Variants in LIAT1 observed in about 807,000 individuals in gnomAD.
LIAT1 encodes protein LIAT1.
chr17:413,286 C>A, the LIAT1 span: 11 of 1,614,118 alleles, frequency 6.8e-6, no homozygotes, highest in Non-Finnish European at 9.3e-6. Context: ...CCTTCTGACT[C>A]CTCCACCGTC....
the LIAT1 span, chr17:413,050 C>T: frequency 1.4e-6 from 2 of 1,451,166 alleles, no homozygotes; most frequent in African/African-American, 1.4e-5. Context: ...CGGAGGGGCC[C>T]CCATCCTCCT....
At chr17:413,655 C>A in the LIAT1 span, 10 of 1,575,900 alleles carry the variant, frequency 6.3e-6, no homozygotes, top group Non-Finnish European at 8.6e-6. Flanking sequence ...GACCCTGAGG[C>A]CCTCAAGGGT....
At chr17:410,428 T>C in the LIAT1 span, 6 of 1,534,784 alleles carry the variant, frequency 3.9e-6, no homozygotes, top group Non-Finnish European at 4.4e-6. Flanking sequence ...CCGGGGCGGG[T>C]TGGGTTGCAG....
At chr17:413,991 A>T in the LIAT1 span, 1 of 1,614,218 alleles carries the variant, frequency 6.2e-7, no homozygotes. Context: ...TACCTCTCGG[A>T]CAAAGATGGC....
chr17:413,134 C>T, the LIAT1 span: 2 of 1,612,408 alleles, frequency 1.2e-6, no homozygotes, highest in Non-Finnish European at 1.7e-6. Context: ...CTAACCTGCT[C>T]ATCTACTCAG....
At chr17:410,445 G>A in the LIAT1 span, 10 of 1,538,946 alleles carry the variant, frequency 6.5e-6, no homozygotes, top group Admixed American at 5.9e-5. Context: ...GCAGCCCAGC[G>A]GGCGGCTGGA....
At chr17:410,332 G>A in the LIAT1 span, 3 of 1,459,952 alleles carry the variant, frequency 2.1e-6, no homozygotes, top group Non-Finnish European at 2.7e-6. Context: ...GGCGCAGCAG[G>A]GGTGGTCGCC....
the LIAT1 span, chr17:410,673 G>T: frequency 6.5e-7 from 1 of 1,532,844 alleles, no homozygotes; most frequent in South Asian, 1.2e-5. Context: ...GCCCGGCTGC[G>T]TCAGCTCCGG....
the LIAT1 span, chr17:410,570 C>T: frequency 1.3e-6 from 2 of 1,546,514 alleles, no homozygotes; most frequent in South Asian, 2.4e-5. Context: ...TCACAGGCGG[C>T]GCCTCCGAGC....
At chr17:412,772 A>G in the LIAT1 span, among the ~76,000 whole-genome samples, 1 of 152,188 alleles carries the variant, frequency 6.6e-6, no homozygotes, top group South Asian at 2.1e-4. Flanking sequence ...TGAGGGCAGC[A>G]CGGCCCAGTG....
the LIAT1 span, chr17:413,434 C>T: frequency 3.1e-6 from 5 of 1,614,172 alleles, no homozygotes; most frequent in Admixed American, 1.7e-5. Flanking sequence ...GAAAACGGTA[C>T]CGGTGCTTGG....
At chr17:412,282 G>T in the LIAT1 span, among the ~76,000 whole-genome samples, 1 of 151,156 alleles carries the variant, frequency 6.6e-6, no homozygotes, top group Non-Finnish European at 1.5e-5. Flanking sequence ...AGCCTGGGTG[G>T]CAGAGTGAGA....
the LIAT1 span, chr17:410,765 C>A: frequency 1.1e-6 from 1 of 883,932 alleles, no homozygotes; most frequent in South Asian, 1.7e-5. Flanking sequence ...GGACCGAGGT[C>A]CTCCTGCTCC....
chr17:414,201 G>A, the LIAT1 span: 3 of 1,458,674 alleles, frequency 2.1e-6, no homozygotes, highest in Non-Finnish European at 9.3e-7. The surrounding 1 kb of genome is among the most constrained non-coding windows in gnomAD (Gnocchi z 4.1). Flanking sequence ...AAGGAAATGA[G>A]ACCCGTATCT....
the LIAT1 span, chr17:410,722 C>A: frequency 7.3e-7 from 1 of 1,379,204 alleles, no homozygotes; most frequent in Non-Finnish European, 9.8e-7. Flanking sequence ...CCCCATTTAC[C>A]CTTCAGACCG....
chr17:413,236 A>T, the LIAT1 span: 1 of 1,614,188 alleles, frequency 6.2e-7, no homozygotes, highest in Non-Finnish European at 8.5e-7. Flanking sequence ...GTGGCCCGAA[A>T]CCAGAGCACA....
At chr17:413,100 C>A in the LIAT1 span, 1 of 1,590,458 alleles carries the variant, frequency 6.3e-7, no homozygotes, top group South Asian at 1.1e-5. Context: ...CCCAGCAGGC[C>A]AAGGTCAGAC....
the LIAT1 span, chr17:410,537 G>A: frequency 2.6e-6 from 4 of 1,546,158 alleles, no homozygotes; most frequent in Non-Finnish European, 3.5e-6. Flanking sequence ...CCGCGGGCCC[G>A]CGGGGGTCTA....
At chr17:410,570 C>A in the LIAT1 span, 2 of 1,546,514 alleles carry the variant, frequency 1.3e-6, no homozygotes, top group South Asian at 1.2e-5. Context: ...TCACAGGCGG[C>A]GCCTCCGAGC....
Sources: gnomAD v4.1 joint callset for allele counts (sites outside exome capture counted in the v4.1 genomes callset) on GRCh38, gnomAD v4.1.1 for gene constraint, Gnocchi (gnomAD v3.1) non-coding constraint, MANE v1.5 for transcripts, NCBI Gene and HGNC (gene_info 2026-07-23, HGNC 2026-07-21) for gene names.